LHX2: variants seen among roughly 807,000 people sequenced by gnomAD.
LHX2 encodes LIM homeobox 2, also known as LIM/homeobox protein Lhx2.
LHX2 carries 6 observed loss-of-function variants against 33.0 expected under a neutral mutation model. The observed-to-expected ratio is 0.18, with a 90% CI of 0.10 to 0.36. LHX2 has a LOEUF of 0.36. Ranked by LOEUF, LHX2 falls within the 10% of genes least tolerant of loss-of-function variation. The pLI is 1.00. For synonymous variants in LHX2, 292 were observed against 253.1 expected, an observed-to-expected ratio of 1.15 and a Z score of -1.46; for missense variants, 442 against 586.2, an observed-to-expected ratio of 0.75 and a Z score of 2.54.
intron 4 of LHX2, among the ~76,000 whole-genome samples, chr9:124,022,348 T>G (rs1391826617): frequency 6.6e-6 from 1 of 152,220 alleles, no homozygotes; most frequent in Non-Finnish European, 1.5e-5. Flanking sequence ...TTAACTAGAT[T>G]CATTAGCTGG....
Position 124,014,002 on chromosome 9 carries a change from C to G in LHX2, c.162C>G (p.Ala54=), listed in dbSNP as rs201094464. The G allele has an allele frequency of 6.9e-4, 1,111 of 1,613,398 alleles. 12 individuals carry two copies. The highest frequency in any genetic ancestry group is 1.3e-4 in the Non-Finnish European group (159 of 1,180,012). ...GCAGTGACCGCGCCGCGCTGTGCGCCGGCTGCGGGGGCAAGATCTCGGACC... is the reference window on the plus strand; with the variant it reads ...GCAGTGACCGCGCCGCGCTGTGCGCGGGCTGCGGGGGCAAGATCTCGGACC... ...SISSDRAALC[A]GCGGKISDRY... is the part of the protein sequence containing the mutation. The change falls in exon 2 of 5, where the codon GCC becomes GCG. Residue 54 remains alanine (A), a synonymous_variant. Transcript: ENST00000373615. This position sits in a 1 kb window ranked among gnomAD's most constrained non-coding sequence, Gnocchi z 4.8.
chr9:124,021,526 C>G (rs1472965144), intron 4 of LHX2, among the ~76,000 whole-genome samples: 1 of 152,148 alleles, frequency 6.6e-6, no homozygotes, highest in Non-Finnish European at 1.5e-5. Flanking sequence ...TTTTGCCTCT[C>G]TGTTTTTCTG....
rs1158887369 is a variant in LHX2 at position 124,016,730 on chromosome 9, C to T, written c.727+1205C>T. On this transcript the variant is annotated intron_variant, in intron 3 of 4. Transcript: ENST00000373615. The surrounding 1 kb of genome is among the most constrained non-coding windows in gnomAD (Gnocchi z 4.4). ...TGTGTGCGGAACTGGGAGGAAAACG[C>T]AGCCCCCAGTTTGGTAAATGGTGAA... is the stretch of plus-strand genomic sequence containing the variant. Among the ~76,000 whole-genome samples, 1 of 152,200 alleles carries T rather than the reference C, an allele frequency of 6.6e-6. No individual in the cohort carries two copies. The highest frequency in any genetic ancestry group is 1.5e-5 in the Non-Finnish European group (1 of 68,046).
rs1388117397 is a variant in LHX2 at position 124,016,647 on chromosome 9, T to C, written c.727+1122T>C. The stretch of plus-strand genomic sequence containing the variant: ...AATCTGAGTTGAATAGAGAGGGAAA[T>C]GAGGGGCGGGTGTTCGCTCCAACGA... On this transcript the variant is annotated intron_variant, in intron 3 of 4. Transcript: ENST00000373615. This position sits in a 1 kb window ranked among gnomAD's most constrained non-coding sequence, Gnocchi z 4.4. Among the ~76,000 whole-genome samples, 1 of 151,844 alleles carries C rather than the reference T, an allele frequency of 6.6e-6. No homozygotes were observed. The highest frequency in any genetic ancestry group is 1.5e-5 in the Non-Finnish European group (1 of 67,980).
Position 124,032,331 on chromosome 9 carries a change from C to A in LHX2, c.934-89C>A. 1 of 1,415,426 alleles carries A rather than the reference C, an allele frequency of 7.1e-7. No individual in the cohort carries two copies. Among genetic ancestry groups the A allele is most frequent in the Non-Finnish European group, 9.4e-7 (1 of 1,064,230 alleles). 87.7% of individuals were successfully genotyped at this position (1,415,426 alleles called of 1,614,324 possible). On this transcript the variant is annotated intron_variant, in intron 4 of 4. Transcript: ENST00000373615. The surrounding 1 kb of genome is among the most constrained non-coding windows in gnomAD (Gnocchi z 4.1). ...TCTTGGCAAAACACAGATCAGCGTC[C>A]CCAGAGGCAGCAGAGCTCTGAGTGA...
At position 124,015,584 on chromosome 9, in the gene LHX2, C is replaced by T; in HGVS notation, c.727+59C>T. The stretch of plus-strand genomic sequence containing the variant: ...GTTGGGGGAAAGTGTGCGGCCTCGA[C>T]GGCCGGGAGCTGGATTGAATCTCTG... On this transcript the variant is annotated intron_variant, in intron 3 of 4. Coordinates refer to ENST00000373615, the MANE Select transcript of LHX2 (RefSeq NM_004789.4). The surrounding 1 kb of genome is among the most constrained non-coding windows in gnomAD (Gnocchi z 7.9). The T allele has an allele frequency of 7.0e-7, 1 of 1,428,206 alleles. No individual in the cohort carries two copies. Among genetic ancestry groups the T allele is most frequent in the South Asian group, 1.5e-5 (1 of 66,510 alleles). 88.5% of individuals were successfully genotyped at this position (1,428,206 alleles called of 1,614,324 possible).
Position 124,032,558 on chromosome 9 carries a change from C to T in LHX2, c.1072C>T (p.Leu358Phe). The T allele has an allele frequency of 3.1e-6, 5 of 1,614,170 alleles. No homozygotes were observed. Among genetic ancestry groups the T allele is most frequent in the Non-Finnish European group, 4.2e-6 (5 of 1,180,042 alleles). The change falls in exon 5 of 5, where the codon CTC (leucine) becomes TTC (phenylalanine). Residue 358 changes from leucine to phenylalanine, a missense_variant. Coordinates refer to ENST00000373615, the MANE Select transcript of LHX2 (RefSeq NM_004789.4). The surrounding 1 kb of genome is among the most constrained non-coding windows in gnomAD (Gnocchi z 4.1). The stretch of plus-strand genomic sequence containing the variant: ...GGCCTCGGAGCTCTCCAACGCCTCG[C>T]TCAGCCCCTCCAGCACGCCCACCAC... ...GPASELSNAS[L>F]SPSSTPTTLT...
Position 124,014,743 on chromosome 9 carries a change from C to T in LHX2, c.324-379C>T, listed in dbSNP as rs1044653067. On this transcript the variant is annotated intron_variant, in intron 2 of 4. Coordinates refer to ENST00000373615, the MANE Select transcript of LHX2 (RefSeq NM_004789.4). The surrounding 1 kb of genome is among the most constrained non-coding windows in gnomAD (Gnocchi z 4.8). ...TACGTCTGTGTCTCTCTCTCTTTCC[C>T]TGTCTCTGTGTTTCTTCCAAATTAT... is the stretch of plus-strand genomic sequence containing the variant. Among the ~76,000 whole-genome samples the T allele has an allele frequency of 2.0e-5, 3 of 152,176 alleles. No homozygotes were observed. The highest frequency in any genetic ancestry group is 1.5e-5 in the Non-Finnish European group (1 of 68,046).
In LHX2 at chr9:124,032,481, G is replaced by C. The variant is rs772345058; in HGVS notation, c.995G>C (p.Gly332Ala). ...AACCTCTTACGGCAGGAAAACACGG[G>C]CGTGGACAAGTCGACAGACGCGGCG... ...RRNLLRQENT[G>A]VDKSTDAALQ... The change falls in exon 5 of 5, where the codon GGC (glycine) becomes GCC (alanine). Residue 332 changes from glycine to alanine, a missense_variant. Around this residue, in one of 5 missense-constraint regions of LHX2, gnomAD observed 109 missense variants for 98.7 expected, o/e 1.10. Coordinates refer to ENST00000373615, the MANE Select transcript of LHX2 (RefSeq NM_004789.4). This position sits in a 1 kb window ranked among gnomAD's most constrained non-coding sequence, Gnocchi z 4.1. 1 of 1,611,228 alleles carries C rather than the reference G, an allele frequency of 6.2e-7. No homozygotes were observed. The highest frequency in any genetic ancestry group is 2.2e-5 in the East Asian group (1 of 44,872).
intron 4 of LHX2, among the ~76,000 whole-genome samples, chr9:124,028,291 T>C (rs1261912981): frequency 6.6e-6 from 1 of 152,206 alleles, no homozygotes; most frequent in Non-Finnish European, 1.5e-5. Context: ...CGCACCAGGC[T>C]GGGGCACCCC....
At position 124,032,923 on chromosome 9, in the gene LHX2, G is replaced by C; in HGVS notation, c.*216G>C. 1 of 489,850 alleles carries C rather than the reference G, an allele frequency of 2.0e-6. No homozygotes were observed. Among genetic ancestry groups the C allele is most frequent in the Non-Finnish European group, 3.5e-6 (1 of 282,098 alleles). 30.3% of individuals were successfully genotyped at this position (489,850 alleles called of 1,614,324 possible). On this transcript the variant is annotated 3_prime_UTR_variant, in exon 5 of 5. Transcript: ENST00000373615. The surrounding 1 kb of genome is among the most constrained non-coding windows in gnomAD (Gnocchi z 4.1). The stretch of plus-strand genomic sequence containing the variant: ...AAGATCTACCTGCAACACAACATTT[G>C]TGTCACTGTACAGTTTTGTGGACTG...
chr9:124,025,161 G>A (rs1386933655), intron 4 of LHX2, among the ~76,000 whole-genome samples: 1 of 152,198 alleles, frequency 6.6e-6, no homozygotes, highest in African/African-American at 2.4e-5. Flanking sequence ...AGCCTTGGCC[G>A]GGCACTGTGG....
chr9:124,021,721 T>C (rs1001619685), intron 4 of LHX2: 4 of 168,474 alleles, frequency 2.4e-5, no homozygotes, highest in Non-Finnish European at 5.1e-5. Context: ...ACACCCAAGG[T>C]GACTATCATT....
chr9:124,026,154 G>A (rs939823337), intron 4 of LHX2, among the ~76,000 whole-genome samples: 1 of 152,100 alleles, frequency 6.6e-6, no homozygotes, highest in Non-Finnish European at 1.5e-5. Flanking sequence ...GATTCAGTGG[G>A]GAACAAGACA....
chr9:124,030,867 A>G (rs2118784223), intron 4 of LHX2, among the ~76,000 whole-genome samples: 1 of 152,120 alleles, frequency 6.6e-6, no homozygotes, highest in East Asian at 1.9e-4. Context: ...TGCTGACCTC[A>G]AGTGATCCAC....
At chr9:124,028,454 C>A (rs1334379074) in intron 4 of LHX2, among the ~76,000 whole-genome samples, 1 of 152,158 alleles carries the variant, frequency 6.6e-6, no homozygotes, top group Non-Finnish European at 1.5e-5. Flanking sequence ...TTGTTGCTTG[C>A]AGCTGCCTAA....
Position 124,012,309 on chromosome 9 carries a change from T to A in LHX2, c.-40T>A. The A allele has an allele frequency of 6.8e-7, 1 of 1,464,156 alleles. No individual in the cohort carries two copies. The highest frequency in any genetic ancestry group is 9.0e-7 in the Non-Finnish European group (1 of 1,111,466). 90.7% of individuals were successfully genotyped at this position (1,464,156 alleles called of 1,614,324 possible). On this transcript the variant is annotated 5_prime_UTR_variant, in exon 1 of 5. Coordinates refer to ENST00000373615, the MANE Select transcript of LHX2 (RefSeq NM_004789.4). The surrounding 1 kb of genome is among the most constrained non-coding windows in gnomAD (Gnocchi z 4.3). ...GCTGAGGCGGGGGGCAAGCCCTCCC[T>A]CGGAGGAGCCGCGCCCCCGGCCCCG...
At chr9:124,017,820 G>A (rs1859218467) in intron 3 of LHX2, among the ~76,000 whole-genome samples, 1 of 152,086 alleles carries the variant, frequency 6.6e-6, no homozygotes. Context: ...CTTCCGGGGC[G>A]GGGCCGCAGC....
chr9:124,012,310 C>T lies in LHX2; in HGVS notation c.-39C>T. On this transcript the variant is annotated 5_prime_UTR_variant, in exon 1 of 5. Coordinates refer to ENST00000373615, the MANE Select transcript of LHX2 (RefSeq NM_004789.4). This position sits in a 1 kb window ranked among gnomAD's most constrained non-coding sequence, Gnocchi z 4.3. ...CTGAGGCGGGGGGCAAGCCCTCCCT[C>T]GGAGGAGCCGCGCCCCCGGCCCCGC... 1 of 1,475,884 alleles carries T rather than the reference C, an allele frequency of 6.8e-7. No homozygotes were observed. Among genetic ancestry groups the T allele is most frequent in the Non-Finnish European group, 8.9e-7 (1 of 1,118,686 alleles). 91.4% of individuals were successfully genotyped at this position (1,475,884 alleles called of 1,614,324 possible).
Sources: allele counts gnomAD v4.1 joint callset (sites outside exome capture counted in the v4.1 genomes callset), GRCh38; gene constraint gnomAD v4.1.1; regional missense constraint gnomAD v4.1.1; non-coding constraint Gnocchi (gnomAD v3.1); transcripts MANE v1.5; gene names NCBI Gene and HGNC (gene_info 2026-07-23, HGNC 2026-07-21).